The following AIG1 variants were observed in gnomAD, a reference collection of about 807,000 sequenced individuals.
AIG1 encodes the protein androgen induced 1.
In AIG1, 23 loss-of-function variants were observed where a neutral mutation model predicts 31.4. That is an observed-to-expected ratio of 0.73 (90% CI 0.53 to 1.04). The LOEUF (loss-of-function observed/expected upper bound fraction) is 1.04, where lower values mean the gene tolerates loss of function less well. Ranked by LOEUF, AIG1 falls within the 50% of genes least tolerant of loss-of-function variation. The pLI is 0.00. For missense variants in AIG1, 274 were observed against 295.0 expected, an observed-to-expected ratio of 0.93 and a Z score of 0.52; for synonymous variants, 100 against 110.5, an observed-to-expected ratio of 0.90 and a Z score of 0.60.
intron 1 of AIG1, among the ~76,000 whole-genome samples, chr6:143,128,429 C>T (rs1277992916): frequency 2.6e-5 from 4 of 152,028 alleles, no homozygotes; most frequent in Admixed American, 2.0e-4. Context: ...CTGATCTATT[C>T]CTATTTATAT....
intron 3 of AIG1, among the ~76,000 whole-genome samples, chr6:143,243,713 A>G (rs1412489942): frequency 6.6e-6 from 1 of 152,228 alleles, no homozygotes; most frequent in Non-Finnish European, 1.5e-5. Context: ...ATCAAGAAGA[A>G]AAAGAACTCT....
chr6:143,076,588 G>C (rs1269927836), intron 1 of AIG1, among the ~76,000 whole-genome samples: 1 of 151,746 alleles, frequency 6.6e-6, no homozygotes, highest in African/African-American at 2.4e-5. Flanking sequence ...TGGACTTAGG[G>C]CTACCATTTT....
At chr6:143,117,181 G>A (rs1562392510) in intron 1 of AIG1, among the ~76,000 whole-genome samples, 1 of 152,144 alleles carries the variant, frequency 6.6e-6, no homozygotes, top group Non-Finnish European at 1.5e-5. Flanking sequence ...CCAAACCCAG[G>A]AGACCAGTGG....
intron 3 of AIG1, among the ~76,000 whole-genome samples, chr6:143,272,358 C>T (rs1796584902): frequency 6.6e-6 from 1 of 152,190 alleles, no homozygotes; most frequent in South Asian, 2.1e-4. Context: ...CCAGTTGACC[C>T]TCCAGAGCAG....
At chr6:143,105,893 G>A (rs1780759630) in intron 1 of AIG1, among the ~76,000 whole-genome samples, 1 of 152,232 alleles carries the variant, frequency 6.6e-6, no homozygotes, top group African/African-American at 2.4e-5. Context: ...AGGCCATTAT[G>A]GAAATGGTGG....
chr6:143,121,381 A>G (rs1782232282), intron 1 of AIG1, among the ~76,000 whole-genome samples: 4 of 152,260 alleles, frequency 2.6e-5, no homozygotes, highest in Admixed American at 2.6e-4. Context: ...CAAGTTGAAC[A>G]TATCATGTAA....
rs568244035 is a variant in AIG1 at position 143,337,638 on chromosome 6, A to G, written c.680-2001A>G. Among the ~76,000 whole-genome samples the G allele has an allele frequency of 7.9e-5, 12 of 152,328 alleles. No homozygotes were observed. In the South Asian group the frequency reaches 2.5e-3, roughly 32 times the overall value. ...TTTTCAAAACCAAAAGGTTGGTGTG[A>G]GGACAGAGAAAGTAGGCAAGCGGGG... On this transcript the variant is annotated intron_variant, in intron 5 of 5. Transcript: ENST00000357847.
At chr6:143,241,837 A>G (rs1583600878) in intron 3 of AIG1, among the ~76,000 whole-genome samples, 1 of 152,338 alleles carries the variant, frequency 6.6e-6, no homozygotes, top group East Asian at 1.9e-4. Flanking sequence ...GATACCTAAC[A>G]CAAACTTTGT....
chr6:143,149,584 C>T (rs1785020375), intron 2 of AIG1, among the ~76,000 whole-genome samples: 1 of 141,672 alleles, frequency 7.1e-6, no homozygotes, highest in Non-Finnish European at 1.5e-5. Context: ...TGTGTAGAAT[C>T]TGGATCAAAA....
intron 4 of AIG1, among the ~76,000 whole-genome samples, chr6:143,320,630 A>G (rs931506275): frequency 5.9e-5 from 9 of 152,196 alleles, no homozygotes; most frequent in Non-Finnish European, 1.3e-4. Flanking sequence ...TATCAAGAAT[A>G]TAAAATAGCC....
intron 3 of AIG1, among the ~76,000 whole-genome samples, chr6:143,241,777 A>G (rs565940121): frequency 2.0e-5 from 3 of 152,334 alleles, no homozygotes; most frequent in Admixed American, 6.5e-5. Flanking sequence ...CCCAAACCCA[A>G]AACTTTTTGA....
intron 4 of AIG1, among the ~76,000 whole-genome samples, chr6:143,304,170 A>G (rs1799063056): frequency 6.6e-6 from 1 of 152,070 alleles, no homozygotes; most frequent in African/African-American, 2.4e-5. Context: ...GTCATCTACA[A>G]ACAGGGACAA....
intron 4 of AIG1, among the ~76,000 whole-genome samples, chr6:143,316,222 G>A (rs116415619): frequency 6.6e-6 from 1 of 152,008 alleles, no homozygotes; most frequent in Non-Finnish European, 1.5e-5. Context: ...TCTGAGAAAA[G>A]CTGCATTTAA....
intron 1 of AIG1, among the ~76,000 whole-genome samples, chr6:143,107,989 T>G (rs1407229719): frequency 6.6e-6 from 1 of 152,224 alleles, no homozygotes; most frequent in East Asian, 1.9e-4. Flanking sequence ...CTTGATTTAC[T>G]GTTGTTTTAA....
chr6:143,215,249 C>T (rs909987408), intron 3 of AIG1, among the ~76,000 whole-genome samples: 1 of 152,016 alleles, frequency 6.6e-6, no homozygotes, highest in African/African-American at 2.4e-5. Flanking sequence ...TAAACATTTC[C>T]ACCCCAAAAG....
At chr6:143,265,751 C>A (rs868182343) in intron 3 of AIG1, among the ~76,000 whole-genome samples, 4 of 152,210 alleles carry the variant, frequency 2.6e-5, no homozygotes, top group Non-Finnish European at 5.9e-5. Context: ...CCTCATCCTT[C>A]CTGTGAACTT....
At chr6:143,266,525 A>G (rs1353177806) in intron 3 of AIG1, among the ~76,000 whole-genome samples, 2 of 152,160 alleles carry the variant, frequency 1.3e-5, no homozygotes, top group African/African-American at 2.4e-5. Flanking sequence ...GGGGTGTTGG[A>G]TATATTAATT....
intron 3 of AIG1, among the ~76,000 whole-genome samples, chr6:143,277,453 C>T (rs1184946703): frequency 6.6e-6 from 1 of 152,180 alleles, no homozygotes; most frequent in Non-Finnish European, 1.5e-5. Flanking sequence ...CACAGTAACA[C>T]AAAGATATGC....
In AIG1 at chr6:143,325,036, C is replaced by T. The variant is rs890914865; in HGVS notation, c.516-8246C>T. The stretch of plus-strand genomic sequence containing the variant: ...ACCCAGTCAACATCCAAAGTAGATT[C>T]GAATGTTGTACATACCACTTGGAAT... On this transcript the variant is annotated intron_variant, in intron 4 of 5. Coordinates refer to ENST00000357847, the MANE Select transcript of AIG1 (RefSeq NM_016108.4). The surrounding 1 kb of genome is among the most constrained non-coding windows in gnomAD (Gnocchi z 4.3). Among the ~76,000 whole-genome samples, 4 of 152,132 alleles carry T rather than the reference C, an allele frequency of 2.6e-5. No homozygotes were observed. The highest frequency in any genetic ancestry group is 9.7e-5 in the African/African-American group (4 of 41,436).
Sources: allele counts gnomAD v4.1 joint callset (sites outside exome capture counted in the v4.1 genomes callset), GRCh38; gene constraint gnomAD v4.1.1; non-coding constraint Gnocchi (gnomAD v3.1); transcripts MANE v1.5; gene names NCBI Gene and HGNC (gene_info 2026-07-23, HGNC 2026-07-21).